DCC: variants seen among roughly 807,000 people sequenced by gnomAD.
DCC encodes netrin receptor DCC.
DCC carries 58 observed loss-of-function variants against 172.5 expected under a neutral mutation model. That is an observed-to-expected ratio of 0.34 (90% CI 0.27 to 0.42). The LOEUF is 0.42. DCC is among the 10% of genes least tolerant of loss of function. DCC has a pLI of 1.00. For missense variants in DCC, 1,740 were observed against 1,791.0 expected, an observed-to-expected ratio of 0.97 and a Z score of 0.51; for synonymous variants, 709 against 644.5, an observed-to-expected ratio of 1.10 and a Z score of -1.52.
rs528390121 is a variant in DCC at position 53,184,298 on chromosome 18, G to A, written c.1573+5182G>A. Among the ~76,000 whole-genome samples, 5 of 152,150 alleles carry A rather than the reference G, an allele frequency of 3.3e-5. No individual in the cohort carries two copies. In the South Asian group the frequency reaches 6.2e-4, roughly 19 times the overall value. On this transcript the variant is annotated intron_variant, in intron 9 of 28. Transcript: ENST00000442544. ...TGAACAGAAAGTGCTACATTATCCC[G>A]TAAGATGTATCACAGCATTGCCATT... is the stretch of plus-strand genomic sequence containing the variant.
chr18:53,113,690 C>T (rs1031118329), intron 7 of DCC, among the ~76,000 whole-genome samples: 1 of 134,478 alleles, frequency 7.4e-6, no homozygotes, highest in Non-Finnish European at 1.6e-5. Flanking sequence ...AAAGCAAAAG[C>T]TTTTATTTTT....
chr18:52,812,803 A>G (rs1415632318), intron 2 of DCC, among the ~76,000 whole-genome samples: 1 of 152,208 alleles, frequency 6.6e-6, no homozygotes, highest in African/African-American at 2.4e-5. Context: ...CTCCATTTAA[A>G]TTCAACAGAT....
intron 1 of DCC, among the ~76,000 whole-genome samples, chr18:52,442,029 T>C (rs1284615606): frequency 1.3e-5 from 2 of 152,104 alleles, no homozygotes; most frequent in African/African-American, 4.8e-5. Flanking sequence ...TGGGGCTGAG[T>C]CAATCAAATG....
intron 1 of DCC, among the ~76,000 whole-genome samples, chr18:52,346,319 C>G (rs1396579959): frequency 2.6e-5 from 4 of 152,164 alleles, no homozygotes; most frequent in Non-Finnish European, 5.9e-5. Flanking sequence ...TAGTAACACA[C>G]TTTTTCTTTC....
intron 2 of DCC, among the ~76,000 whole-genome samples, chr18:52,845,487 A>G (rs995092387): frequency 6.6e-6 from 1 of 152,204 alleles, no homozygotes; most frequent in African/African-American, 2.4e-5. Flanking sequence ...CCCAATAGCA[A>G]TACAACCAGA....
intron 5 of DCC, among the ~76,000 whole-genome samples, chr18:52,960,748 G>A (rs540367217): frequency 7.9e-5 from 12 of 151,954 alleles, no homozygotes; most frequent in African/African-American, 1.2e-4. Flanking sequence ...CCTCCAACAC[G>A]GTTACTCTCA....
chr18:53,501,158 C>G (rs556963283), intron 27 of DCC, among the ~76,000 whole-genome samples: 1 of 152,156 alleles, frequency 6.6e-6, no homozygotes, highest in Admixed American at 6.5e-5. Flanking sequence ...CTAACAATAA[C>G]GAGCCTTTAA....
intron 1 of DCC, among the ~76,000 whole-genome samples, chr18:52,585,458 T>C (rs1259760167): frequency 6.6e-6 from 1 of 152,190 alleles, no homozygotes; most frequent in Admixed American, 6.5e-5. Flanking sequence ...GTAAAAATAA[T>C]GAACAATTAT....
At chr18:53,069,108 C>T (rs913095989) in intron 7 of DCC, among the ~76,000 whole-genome samples, 2 of 152,000 alleles carry the variant, frequency 1.3e-5, no homozygotes, top group Non-Finnish European at 2.9e-5. Context: ...GATGGAAGTA[C>T]AGTAACACCA....
At chr18:53,357,522 A>C (rs2057890655) in intron 15 of DCC, among the ~76,000 whole-genome samples, 1 of 152,234 alleles carries the variant, frequency 6.6e-6, no homozygotes, top group Non-Finnish European at 1.5e-5. Flanking sequence ...ACATGAATAA[A>C]AAATGAATAA....
intron 5 of DCC, among the ~76,000 whole-genome samples, chr18:53,005,145 T>C (rs994319072): frequency 6.6e-6 from 1 of 152,192 alleles, no homozygotes; most frequent in African/African-American, 2.4e-5. Flanking sequence ...TCTCTAGAAC[T>C]GTAAGAAATA....
chr18:52,839,251 A>T (rs2038764138), intron 2 of DCC, among the ~76,000 whole-genome samples: 1 of 152,146 alleles, frequency 6.6e-6, no homozygotes, highest in Admixed American at 6.5e-5. Flanking sequence ...TAAGGTGATG[A>T]AGTGTTTGCA....
chr18:53,149,891 A>T (rs2043972973), intron 7 of DCC, among the ~76,000 whole-genome samples: 1 of 152,158 alleles, frequency 6.6e-6, no homozygotes, highest in Admixed American at 6.5e-5. Flanking sequence ...TTGCTGTATG[A>T]TTCTGGGATA....
chr18:53,326,657 G>A (rs2057471425), intron 14 of DCC, among the ~76,000 whole-genome samples: 1 of 152,114 alleles, frequency 6.6e-6, no homozygotes, highest in East Asian at 1.9e-4. Flanking sequence ...TAATGTATTT[G>A]TGTAAATGTT....
chr18:53,399,573 A>G (rs1197685069), intron 18 of DCC, among the ~76,000 whole-genome samples: 1 of 152,146 alleles, frequency 6.6e-6, no homozygotes, highest in East Asian at 1.9e-4. Context: ...CATGTACTTA[A>G]TAAAGAAATG....
chr18:52,826,871 A>G (rs963736683), intron 2 of DCC, among the ~76,000 whole-genome samples: 2 of 152,182 alleles, frequency 1.3e-5, no homozygotes, highest in African/African-American at 4.8e-5. Flanking sequence ...ATATTCAGAA[A>G]TATATTGTAT....
At chr18:53,323,927 G>A (rs1345863517) in intron 14 of DCC, among the ~76,000 whole-genome samples, 1 of 151,366 alleles carries the variant, frequency 6.6e-6, no homozygotes, top group Non-Finnish European at 1.5e-5. Flanking sequence ...GATGAAGTTT[G>A]TAAGATAAGC....
chr18:53,153,158 T>C (rs1028256091), intron 7 of DCC, among the ~76,000 whole-genome samples: 3 of 152,200 alleles, frequency 2.0e-5, no homozygotes, highest in Non-Finnish European at 4.4e-5. Flanking sequence ...ATAAAACTTA[T>C]TTGTCTAACT....
Position 52,383,358 on chromosome 18 carries a change from A to G in DCC, c.91+42480A>G, listed in dbSNP as rs1397157021. On this transcript the variant is annotated intron_variant, in intron 1 of 28. Coordinates refer to ENST00000442544, the MANE Select transcript of DCC (RefSeq NM_005215.4). ...TTAAAATTGCATCTTTTATTATCAG[A>G]GGGATTAGTGTTTTATATTAATTAT... is the stretch of plus-strand genomic sequence containing the variant. Among the ~76,000 whole-genome samples the G allele has an allele frequency of 2.6e-5, 4 of 152,204 alleles. No homozygotes were observed. The South Asian group carries it at 8.3e-4, about 32-fold the overall frequency.
Sources: gnomAD v4.1 joint callset for allele counts (sites outside exome capture counted in the v4.1 genomes callset) on GRCh38, gnomAD v4.1.1 for gene constraint, MANE v1.5 for transcripts, NCBI Gene and HGNC (gene_info 2026-07-23, HGNC 2026-07-21) for gene names.